NDEL1: variants seen among roughly 807,000 people sequenced by gnomAD.
NDEL1 encodes nuclear distribution protein nudE-like 1.
A neutral mutation model predicts 45.7 loss-of-function variants in NDEL1; 9 were observed. The observed-to-expected ratio is 0.20, with a 90% CI of 0.12 to 0.34. The LOEUF is 0.34. Ranked by LOEUF, NDEL1 falls within the 10% of genes least tolerant of loss-of-function variation. The pLI is 1.00. For synonymous variants in NDEL1, 133 were observed against 158.6 expected (o/e 0.84, Z 1.21); for missense variants, 306 against 406.2 (o/e 0.75, Z 2.12).
intron 8 of NDEL1, among the ~76,000 whole-genome samples, chr17:8,462,557 C>G (rs899358774): frequency 3.3e-5 from 5 of 152,184 alleles, no homozygotes; most frequent in Admixed American, 1.3e-4. Flanking sequence ...GCAGGATATT[C>G]CACTTCCCAG....
At chr17:8,417,400 A>C (rs148671326) in intron 1 of NDEL1, among the ~76,000 whole-genome samples, 1 of 152,008 alleles carries the variant, frequency 6.6e-6, no homozygotes, top group South Asian at 2.1e-4. Context: ...GAACCTATGG[A>C]TTATATTGAA....
At chr17:8,441,901 C>CT (rs1028529191) in intron 1 of NDEL1, among the ~76,000 whole-genome samples, 4 of 150,990 alleles carry the variant, frequency 2.6e-5, no homozygotes, top group South Asian at 2.1e-4. Flanking sequence ...CCCTCCTGAC[C>CT]TTTTTTTTTA....
At chr17:8,445,596 TTTTA>T in intron 2 of NDEL1, 111 bp from the exon 3 acceptor site, 1 of 1,080,814 alleles carries the variant, frequency 9.3e-7, no homozygotes, top group Non-Finnish European at 1.3e-6. Flanking sequence ...CTTTAGTATA[TTTTA>T]TGAGAGCATT....
At position 8,450,454 on chromosome 17, in the gene NDEL1, A is replaced by G. The variant is rs577016284; in HGVS notation, c.527-326A>G. On this transcript the variant is annotated intron_variant, in intron 5 of 8. Transcript: ENST00000334527. Reference sequence around the variant, plus strand: ...GATTTTGCAATAACCCCAAAACTACATCATTTGAAAATAAAAGCAAATAAG... The same window carrying G: ...GATTTTGCAATAACCCCAAAACTACGTCATTTGAAAATAAAAGCAAATAAG... 2.0e-5 allele frequency among the ~76,000 whole-genome samples: 3 copies of G among 152,358 alleles called. No individual in the cohort carries two copies. In the South Asian group the frequency reaches 6.2e-4, roughly 32 times the overall value.
intron 1 of NDEL1, among the ~76,000 whole-genome samples, chr17:8,418,376 A>C (rs940839091): frequency 6.6e-6 from 1 of 152,218 alleles, no homozygotes; most frequent in Non-Finnish European, 1.5e-5. Context: ...CTTTACTAAC[A>C]TTGGGTATTA....
At chr17:8,424,079 A>C (rs1161157831) in intron 1 of NDEL1, among the ~76,000 whole-genome samples, 2 of 152,242 alleles carry the variant, frequency 1.3e-5, no homozygotes, top group Non-Finnish European at 2.9e-5. Context: ...AAAAGGAAGG[A>C]AGAACAGACG....
intron 1 of NDEL1, among the ~76,000 whole-genome samples, chr17:8,420,469 T>A (rs1698118218): frequency 6.6e-6 from 1 of 152,234 alleles, no homozygotes; most frequent in Admixed American, 6.5e-5. Context: ...GAAAGGACTC[T>A]TGGCTTCTCA....
downstream of NDEL1, among the ~76,000 whole-genome samples, chr17:8,471,035 G>A (rs1362012531): frequency 4.6e-5 from 7 of 152,334 alleles, 1 homozygote; most frequent in South Asian, 1.5e-3. Flanking sequence ...CTCCCCGACT[G>A]TAACAGTGTT....
chr17:8,435,314 A>G (rs1003869007), upstream of NDEL1, among the ~76,000 whole-genome samples: 16 of 152,144 alleles, frequency 1.1e-4, no homozygotes, highest in Admixed American at 7.2e-4. Context: ...TTGAGCGTCC[A>G]CTTTGCCTAG....
At chr17:8,452,913 A>G (rs1910610503) in intron 6 of NDEL1, among the ~76,000 whole-genome samples, 1 of 151,462 alleles carries the variant, frequency 6.6e-6, no homozygotes, top group African/African-American at 2.4e-5. Context: ...CTAATTTTGT[A>G]TTTTTAGTAG....
chr17:8,432,706 A>G (rs767045687), upstream of NDEL1, among the ~76,000 whole-genome samples: 1 of 152,034 alleles, frequency 6.6e-6, no homozygotes, highest in Admixed American at 6.6e-5. Flanking sequence ...AAGATTAGGA[A>G]ACAAAAAGTC....
At chr17:8,450,053 C>T (rs552830743) in intron 5 of NDEL1, among the ~76,000 whole-genome samples, 4 of 152,082 alleles carry the variant, frequency 2.6e-5, no homozygotes, top group Admixed American at 6.5e-5. Flanking sequence ...GAGGCTGAGG[C>T]GGGTGGATCA....
chr17:8,430,481 A>C (rs1016592746), intron 1 of NDEL1, among the ~76,000 whole-genome samples: 7 of 152,146 alleles, frequency 4.6e-5, no homozygotes, highest in African/African-American at 1.7e-4. Flanking sequence ...TTTACTAGCT[A>C]GGGTTCGGGC....
chr17:8,444,277 T>G lies in NDEL1; in HGVS notation c.6T>G (p.Asp2Glu). The change falls in exon 2 of 9, where the codon GAT becomes GAG. Residue 2 changes from aspartate to glutamate, a missense_variant. Physicochemically the swap from Asp to Glu is conservative, Grantham distance 45 (BLOSUM62 2). Around this residue, in one of 3 missense-constraint regions of NDEL1, gnomAD observed 112 missense variants for 148.3 expected, o/e 0.76. Coordinates refer to ENST00000334527, the MANE Select transcript of NDEL1 (RefSeq NM_030808.5). ...TTTCACAGGCTTTCTTGATCATGGA[T>G]GGTGAAGATATACCAGATTTTTCAA... is the stretch of plus-strand genomic sequence containing the variant. M[D>E]GEDIPDFSSL... The G allele has an allele frequency of 6.2e-7, 1 of 1,608,482 alleles. No homozygotes were observed. Among genetic ancestry groups the G allele is most frequent in the African/African-American group, 1.3e-5 (1 of 74,918 alleles).
chr17:8,441,735 G>T (rs1456299497), intron 1 of NDEL1, among the ~76,000 whole-genome samples: 1 of 151,838 alleles, frequency 6.6e-6, no homozygotes, highest in Non-Finnish European at 1.5e-5. Flanking sequence ...GGTGTCATCC[G>T]TCTGAAGCAT....
chr17:8,439,182 C>T (rs1000144947), intron 1 of NDEL1, among the ~76,000 whole-genome samples: 34 of 150,826 alleles, frequency 2.3e-4, no homozygotes, highest in Admixed American at 8.6e-4. Flanking sequence ...CCTCGTGATC[C>T]GCCCGCCTCG....
upstream of NDEL1, among the ~76,000 whole-genome samples, chr17:8,435,293 T>C (rs369799675): frequency 1.6e-5 from 2 of 127,540 alleles, no homozygotes; most frequent in African/African-American, 5.6e-5. Context: ...ATTCATTCAT[T>C]CATCAAATAT....
chr17:8,436,592 C>A, intron 1 of NDEL1: 1 of 152,254 alleles, frequency 6.6e-6, no homozygotes. Flanking sequence ...AATCATCCTC[C>A]CCCTGGAGTT....
chr17:8,442,764 TTTTA>T, intron 1 of NDEL1, among the ~76,000 whole-genome samples: 1 of 148,616 alleles, frequency 6.7e-6, no homozygotes, highest in East Asian at 2.0e-4. Flanking sequence ...ATCTCCAGGT[TTTTA>T]TTTATTTACT....
Sources: allele counts gnomAD v4.1 joint callset (sites outside exome capture counted in the v4.1 genomes callset), GRCh38; gene constraint gnomAD v4.1.1; regional missense constraint gnomAD v4.1.1; transcripts MANE v1.5; gene names NCBI Gene and HGNC (gene_info 2026-07-23, HGNC 2026-07-21).